CXCL13: variants seen among roughly 807,000 people sequenced by gnomAD.
The protein encoded by CXCL13 is C-X-C motif chemokine 13.
A neutral mutation model predicts 12.2 loss-of-function variants in CXCL13; 7 were observed. That is an observed-to-expected ratio of 0.57 (90% CI 0.33 to 1.07). CXCL13 has a LOEUF of 1.07. CXCL13 is among the 50% of genes least tolerant of loss of function. CXCL13 has a pLI of 0.04. For missense variants in CXCL13, 113 were observed against 127.4 expected (o/e 0.89, Z 0.55); for synonymous variants, 47 against 42.4 (o/e 1.11, Z -0.42).
chr4:77,558,739 C>T (rs1389539147), intron 1 of CXCL13, among the ~76,000 whole-genome samples: 1 of 152,156 alleles, frequency 6.6e-6, no homozygotes, highest in Non-Finnish European at 1.5e-5. Flanking sequence ...TACCACGTGT[C>T]AGGGTCTTAT....
chr4:77,555,415 A>C (rs1456594566), intron 1 of CXCL13, among the ~76,000 whole-genome samples: 1 of 152,104 alleles, frequency 6.6e-6, no homozygotes, highest in Non-Finnish European at 1.5e-5. Flanking sequence ...CAAAGTAATT[A>C]AAAGTAGAAA....
Position 77,611,014 on chromosome 4 carries a change from C to T in CXCL13, c.305C>T (p.Pro102Leu). Residue 102 changes from proline (P) to leucine (L), a missense_variant, in exon 4 of 4, where the codon CCA becomes CTA. Pro to Leu is a moderately conservative substitution (Grantham distance 98). Coordinates refer to ENST00000682537, the MANE Select transcript of CXCL13 (RefSeq NM_001371558.1). The part of the protein sequence containing the change: ...RKRSSSTLPV[P>L]VFKRKIP The stretch of plus-strand genomic sequence containing the variant: ...AGAAGTTCTTCAACTCTACCAGTTC[C>T]AGTGTTTAAGAGAAAGATTCCCTGA... 1 of 1,611,444 alleles carries T rather than the reference C, an allele frequency of 6.2e-7. No individual in the cohort carries two copies. Among genetic ancestry groups the T allele is most frequent in the South Asian group, 1.1e-5 (1 of 91,018 alleles).
intron 1 of CXCL13, among the ~76,000 whole-genome samples, chr4:77,533,070 T>G (rs1724971194): frequency 6.6e-6 from 1 of 152,242 alleles, no homozygotes; most frequent in African/African-American, 2.4e-5. Context: ...TTTGCTCCAT[T>G]TCTGGTGAGG....
chr4:77,552,050 C>A (rs554250601), intron 1 of CXCL13, among the ~76,000 whole-genome samples: 3 of 152,122 alleles, frequency 2.0e-5, no homozygotes, highest in African/African-American at 4.8e-5. Flanking sequence ...AACTTCCTAA[C>A]AATCTATCCT....
At chr4:77,530,870 G>A (rs915685122) in intron 1 of CXCL13, among the ~76,000 whole-genome samples, 3 of 151,790 alleles carry the variant, frequency 2.0e-5, no homozygotes, top group Non-Finnish European at 4.4e-5. Flanking sequence ...TGATGTTAGG[G>A]TGTCAATTTT....
intron 1 of CXCL13, among the ~76,000 whole-genome samples, chr4:77,573,763 C>T (rs1223842655): frequency 2.0e-5 from 3 of 151,878 alleles, no homozygotes; most frequent in Non-Finnish European, 4.4e-5. Flanking sequence ...GGGTTCAATT[C>T]CTGGCTTAGG....
chr4:77,538,275 A>G (rs1456696076), intron 1 of CXCL13, among the ~76,000 whole-genome samples: 1 of 151,872 alleles, frequency 6.6e-6, no homozygotes, highest in Non-Finnish European at 1.5e-5. Flanking sequence ...ACTGCCTCAG[A>G]GCTCTGTTTC....
At chr4:77,529,781 T>A (rs928055475) in intron 1 of CXCL13, among the ~76,000 whole-genome samples, 9 of 152,218 alleles carry the variant, frequency 5.9e-5, no homozygotes, top group Admixed American at 1.3e-4. Flanking sequence ...TTCTCCTGCC[T>A]GATTGCCCTG....
chr4:77,533,647 G>T (rs1724985488), intron 1 of CXCL13, among the ~76,000 whole-genome samples: 1 of 152,202 alleles, frequency 6.6e-6, no homozygotes, highest in African/African-American at 2.4e-5. Context: ...GTCTATAGCG[G>T]TAGGCAGGCC....
At chr4:77,579,396 C>A (rs768626238) in intron 1 of CXCL13, among the ~76,000 whole-genome samples, 8 of 152,260 alleles carry the variant, frequency 5.3e-5, no homozygotes, top group African/African-American at 1.4e-4. Context: ...AGGATGCAGG[C>A]CGTTTGCCTC....
At chr4:77,610,513 A>T in intron 2 of CXCL13, 101 bp from the exon 3 acceptor site, 1 of 943,918 alleles carries the variant, frequency 1.1e-6, no homozygotes, top group Non-Finnish European at 1.6e-6. Context: ...ATTTCACTTC[A>T]TCTAGGAATA....
chr4:77,611,171 T>C lies in CXCL13; in HGVS notation c.*132T>C. The C allele has an allele frequency of 1.3e-6, 1 of 762,140 alleles. No homozygotes were observed. Among genetic ancestry groups the C allele is most frequent in the Non-Finnish European group, 2.1e-6 (1 of 469,348 alleles). The allele number at this position is 762,140 out of a possible 1,614,324, so 47.2% of individuals were successfully genotyped here. ...AAATAAGCATGAGACTATGTAAAAATAACCTTGCAGAAGCTGATGGGGCAA... is the reference window on the plus strand; with the variant it reads ...AAATAAGCATGAGACTATGTAAAAACAACCTTGCAGAAGCTGATGGGGCAA... On this transcript the variant is annotated 3_prime_UTR_variant, in exon 4 of 4. Transcript: ENST00000682537.
Position 77,611,138 on chromosome 4 carries a change from C to G in CXCL13, c.*99C>G, listed in dbSNP as rs1334620337. 9.8e-7 allele frequency: 1 copy of G among 1,017,336 alleles called. No individual in the cohort carries two copies. The highest frequency in any genetic ancestry group is 1.5e-6 in the Non-Finnish European group (1 of 675,892). The allele number at this position is 1,017,336 out of a possible 1,614,324, so 63.0% of individuals were successfully genotyped here. ...AAATCTTTTCCAGGAAAAAGAACTTCCCCATACAAATAAGCATGAGACTAT... is the reference window on the plus strand; with the variant it reads ...AAATCTTTTCCAGGAAAAAGAACTTGCCCATACAAATAAGCATGAGACTAT... On this transcript the variant is annotated 3_prime_UTR_variant, in exon 4 of 4. Coordinates refer to ENST00000682537, the MANE Select transcript of CXCL13 (RefSeq NM_001371558.1).
chr4:77,609,729 C>T (rs888481988), intron 2 of CXCL13, among the ~76,000 whole-genome samples: 5 of 152,234 alleles, frequency 3.3e-5, no homozygotes. Context: ...CACTTTTCCA[C>T]TTCAGATAAA....
At chr4:77,516,891 T>G (rs1724434965) in intron 1 of CXCL13, among the ~76,000 whole-genome samples, 3 of 152,128 alleles carry the variant, frequency 2.0e-5, no homozygotes, top group Non-Finnish European at 2.9e-5. Context: ...TTCTTTTAAT[T>G]TGATGTTAGG....
At chr4:77,607,107 G>T (rs1578074850) in intron 1 of CXCL13, among the ~76,000 whole-genome samples, 1 of 152,154 alleles carries the variant, frequency 6.6e-6, no homozygotes, top group African/African-American at 2.4e-5. Context: ...AGAAAACTCT[G>T]TTCCAGCATG....
intron 1 of CXCL13, among the ~76,000 whole-genome samples, chr4:77,576,891 A>G (rs987306287): frequency 6.6e-6 from 1 of 152,232 alleles, no homozygotes; most frequent in East Asian, 1.9e-4. Context: ...GACTGGAGAG[A>G]GAGAAATTAT....
intron 1 of CXCL13, among the ~76,000 whole-genome samples, chr4:77,567,605 A>C (rs1330163559): frequency 3.3e-5 from 5 of 152,190 alleles, no homozygotes; most frequent in Non-Finnish European, 1.5e-5. Context: ...CTGATAAAAC[A>C]AGATGCAGTA....
chr4:77,554,727 A>T (rs1299947941), intron 1 of CXCL13, among the ~76,000 whole-genome samples: 2 of 152,268 alleles, frequency 1.3e-5, no homozygotes, highest in South Asian at 4.1e-4. Context: ...TTAAAGCACT[A>T]AAACAATATA....
Sources: gnomAD v4.1 joint callset for allele counts (sites outside exome capture counted in the v4.1 genomes callset) on GRCh38, gnomAD v4.1.1 for gene constraint, MANE v1.5 for transcripts, NCBI Gene and HGNC (gene_info 2026-07-23, HGNC 2026-07-21) for gene names.